VTA1: variants seen among roughly 807,000 people sequenced by gnomAD.
VTA1 encodes the protein vesicle trafficking 1.
In VTA1, 24 loss-of-function variants were observed where a neutral mutation model predicts 36.9. The ratio of observed to expected loss-of-function variants is 0.65; its 90% CI spans 0.47 to 0.91. VTA1 has a LOEUF of 0.91. VTA1 is among the 40% of genes least tolerant of loss of function. The pLI is 0.00. For missense variants in VTA1, 393 were observed against 377.2 expected, an observed-to-expected ratio of 1.04 and a Z score of -0.35; for synonymous variants, 142 against 130.2, an observed-to-expected ratio of 1.09 and a Z score of -0.62.
intron 6 of VTA1, among the ~76,000 whole-genome samples, chr6:142,202,671 AG>A (rs1358041873): frequency 6.6e-6 from 1 of 152,118 alleles, no homozygotes; most frequent in East Asian, 1.9e-4. Flanking sequence ...ATTTCTTAGC[AG>A]AGAACAGCAT....
chr6:142,191,398 T>C (rs983527722), intron 5 of VTA1, among the ~76,000 whole-genome samples: 8 of 152,146 alleles, frequency 5.3e-5, no homozygotes, highest in Non-Finnish European at 7.4e-5. Context: ...TAAAACTCTT[T>C]AACATTTTGC....
rs1413481434 is a variant in VTA1, at chr6:142,170,286, A to G, written c.336-60A>G. 6.9e-6 allele frequency: 9 copies of G among 1,306,978 alleles called. No individual in the cohort carries two copies. In the Admixed American group the frequency reaches 1.5e-4, roughly 22 times the overall value. 81.0% of individuals were successfully genotyped at this position (1,306,978 alleles called of 1,614,324 possible). A position where few individuals can be genotyped will look rare whatever the true frequency, so the allele number is the denominator to read the frequency against. On this transcript the variant is annotated intron_variant, in intron 3 of 7. Transcript: ENST00000367630. The stretch of plus-strand genomic sequence containing the variant: ...GAATTTTTTTTCTTATAGCTAAATG[A>G]CAAAACTACATTTTAATGTGTTTCA...
intron 4 of VTA1, among the ~76,000 whole-genome samples, chr6:142,177,767 T>C (rs1231030767): frequency 6.6e-6 from 1 of 152,218 alleles, no homozygotes; most frequent in Non-Finnish European, 1.5e-5. Context: ...CTGAAGCATA[T>C]AGCTCTATCA....
chr6:142,202,295 T>C (rs1248093704), intron 6 of VTA1, among the ~76,000 whole-genome samples: 1 of 152,010 alleles, frequency 6.6e-6, no homozygotes, highest in Non-Finnish European at 1.5e-5. Flanking sequence ...TAGGTCAGCC[T>C]AAGATTTGGC....
rs945131552 is a variant in VTA1, at chr6:142,222,795, T to G, written c.*4152T>G. ...TAAGTAAGCAACACTTCAATAATAA[T>G]CATAATAGCTAACATTTCAATGTTT... On this transcript the variant is annotated 3_prime_UTR_variant, in exon 8 of 8. Transcript: ENST00000367630. 1.3e-5 allele frequency: 2 copies of G among 152,198 alleles called. No individual in the cohort carries two copies. 9.4% of individuals were successfully genotyped at this position (152,198 alleles called of 1,614,324 possible). A position where few individuals can be genotyped will look rare whatever the true frequency, so the allele number is the denominator to read the frequency against.
intron 6 of VTA1, among the ~76,000 whole-genome samples, chr6:142,200,935 ACT>A (rs1775672114): frequency 1.3e-5 from 2 of 151,966 alleles, no homozygotes; most frequent in South Asian, 4.1e-4. Context: ...ATTATGTATT[ACT>A]GTCTTTAACT....
chr6:142,166,211 C>T lies in VTA1; in HGVS notation c.113-17C>T, dbSNP rs1378587331. On this transcript the variant is annotated splice_polypyrimidine_tract_variant and intron_variant, in intron 1 of 7. Coordinates refer to ENST00000367630, the MANE Select transcript of VTA1 (RefSeq NM_016485.5). ...TTAAAAATGAAATTGTTCAAATTAT[C>T]TTACTTTTCTTTCTAGGTCGTTTAT... is the stretch of plus-strand genomic sequence containing the variant. 6.4e-7 allele frequency: 1 copy of T among 1,566,202 alleles called. No individual in the cohort carries two copies. The highest frequency in any genetic ancestry group is 8.7e-7 in the Non-Finnish European group (1 of 1,146,940).
rs1776074675 is a variant in VTA1, at chr6:142,219,919, C to T, written c.*1276C>T. On this transcript the variant is annotated 3_prime_UTR_variant, in exon 8 of 8. Coordinates refer to ENST00000367630, the MANE Select transcript of VTA1 (RefSeq NM_016485.5). ...TGTCTGTGGTTGCTTTCCACAACTG[C>T]AGAGTTGTATGGCTTGCAAGTCTAA... The T allele has an allele frequency of 1.3e-5, 2 of 152,192 alleles. No homozygotes were observed. Among genetic ancestry groups the T allele is most frequent in the Non-Finnish European group, 2.9e-5 (2 of 68,042 alleles). 9.4% of individuals were successfully genotyped at this position (152,192 alleles called of 1,614,324 possible). A position where few individuals can be genotyped will look rare whatever the true frequency, so the allele number is the denominator to read the frequency against.
chr6:142,224,056 CTG>C lies in VTA1; in HGVS notation c.*5417_*5418del, dbSNP rs1412760977. 6.6e-6 allele frequency: 1 copy of C among 152,166 alleles called. No individual in the cohort carries two copies. Among genetic ancestry groups the C allele is most frequent in the Admixed American group, 6.5e-5 (1 of 15,274 alleles). 9.4% of individuals were successfully genotyped at this position (152,166 alleles called of 1,614,324 possible). A position where few individuals can be genotyped will look rare whatever the true frequency, so the allele number is the denominator to read the frequency against. On this transcript the variant is annotated 3_prime_UTR_variant, in exon 8 of 8. Coordinates refer to ENST00000367630, the MANE Select transcript of VTA1 (RefSeq NM_016485.5). ...TTTGAAGCACTGATCTCCAGTGTGT[CTG>C]TGTTCAGAGGCAGGTCCCATAGGGA...
In VTA1 at chr6:142,156,497, G is replaced by A. The variant is rs147484428; in HGVS notation, c.112+9098G>A. 2.9e-3 allele frequency among the ~76,000 whole-genome samples: 434 copies of A among 152,216 alleles called. 1 individual carries two copies. Among genetic ancestry groups the A allele is most frequent in the Non-Finnish European group, 4.8e-3 (329 of 68,014 alleles). On this transcript the variant is annotated intron_variant, in intron 1 of 7. Transcript: ENST00000367630. ...AATATTTGAATCTTTACTAAAAGTG[G>A]GCACTGTTAGATAAATATTTTGATT...
chr6:142,166,342 T>A lies in VTA1; in HGVS notation c.207+20T>A, dbSNP rs1262430892. ...GAAGCTGTAAGTTAACCACTGATCATTTATTTTCTGGTTATGGTTAAAATA... is the reference window on the plus strand; with the variant it reads ...GAAGCTGTAAGTTAACCACTGATCAATTATTTTCTGGTTATGGTTAAAATA... On this transcript the variant is annotated intron_variant, in intron 2 of 7. Coordinates refer to ENST00000367630, the MANE Select transcript of VTA1 (RefSeq NM_016485.5). The A allele has an allele frequency of 6.6e-7, 1 of 1,511,674 alleles. No homozygotes were observed. Among genetic ancestry groups the A allele is most frequent in the Non-Finnish European group, 9.1e-7 (1 of 1,097,560 alleles). 93.6% of individuals were successfully genotyped at this position (1,511,674 alleles called of 1,614,324 possible). A position where few individuals can be genotyped will look rare whatever the true frequency, so the allele number is the denominator to read the frequency against.
intron 4 of VTA1, among the ~76,000 whole-genome samples, chr6:142,183,959 T>G (rs1233788677): frequency 6.6e-6 from 1 of 152,184 alleles, no homozygotes; most frequent in Non-Finnish European, 1.5e-5. Flanking sequence ...CTGCTCATGC[T>G]TAGATATTAG....
intron 5 of VTA1, among the ~76,000 whole-genome samples, chr6:142,197,405 T>C (rs1209858883): frequency 1.3e-5 from 2 of 152,248 alleles, no homozygotes; most frequent in Non-Finnish European, 2.9e-5. Flanking sequence ...TCTGTAGCTC[T>C]AGCTTGCTTT....
At chr6:142,176,395 A>G (rs994109667) in intron 4 of VTA1, among the ~76,000 whole-genome samples, 2 of 152,210 alleles carry the variant, frequency 1.3e-5, no homozygotes, top group Non-Finnish European at 2.9e-5. Context: ...AACTCTAATG[A>G]TACATGATGT....
At chr6:142,148,539 A>C (rs1427520617) in intron 1 of VTA1, among the ~76,000 whole-genome samples, 1 of 152,160 alleles carries the variant, frequency 6.6e-6, no homozygotes, top group Non-Finnish European at 1.5e-5. Context: ...GTATGTGTTC[A>C]TTGAGCTACC....
chr6:142,147,324 C>T lies in VTA1; in HGVS notation c.37C>T (p.Gln13Ter). The T allele has an allele frequency of 6.2e-7, 1 of 1,614,242 alleles. No individual in the cohort carries two copies. Among genetic ancestry groups the T allele is most frequent in the Non-Finnish European group, 8.5e-7 (1 of 1,180,048 alleles). ...TGCACCGCTGCCCCCGCTCCCCGCA[C>T]AGTTCAAGAGCATACAGCATCATCT... ...ALAPLPPLPA[Q>*]FKSIQHHLRT... The change falls in exon 1 of 8, where the codon CAG (glutamine) becomes TAG (stop). Residue 13 changes from glutamine to a stop codon, truncating the protein, a stop_gained. Coordinates refer to ENST00000367630, the MANE Select transcript of VTA1 (RefSeq NM_016485.5). LOFTEE classifies it high-confidence loss of function.
chr6:142,172,968 A>G (rs964297319), intron 4 of VTA1, among the ~76,000 whole-genome samples: 2 of 132,010 alleles, frequency 1.5e-5, no homozygotes, highest in Non-Finnish European at 3.1e-5. Context: ...ACCATTTGAC[A>G]AAAAAAAAAA....
chr6:142,190,899 GC>G (rs1775442737), intron 5 of VTA1, among the ~76,000 whole-genome samples: 1 of 152,150 alleles, frequency 6.6e-6, no homozygotes, highest in African/African-American at 2.4e-5. Flanking sequence ...TTAACAGCCT[GC>G]CAGCCCACTG....
At chr6:142,192,721 T>C (rs1334921396) in intron 5 of VTA1, among the ~76,000 whole-genome samples, 1 of 150,250 alleles carries the variant, frequency 6.7e-6, no homozygotes, top group Admixed American at 6.6e-5. Flanking sequence ...TGTGTGTGTG[T>C]GTGTGTGTAA....
Sources: gnomAD v4.1 joint callset for allele counts (sites outside exome capture counted in the v4.1 genomes callset) on GRCh38, gnomAD v4.1.1 for gene constraint, MANE v1.5 for transcripts, NCBI Gene and HGNC (gene_info 2026-07-23, HGNC 2026-07-21) for gene names.